Variants in C10orf90 observed in about 807,000 individuals in gnomAD.
C10orf90 encodes the protein (E2-independent) E3 ubiquitin-conjugating enzyme FATS.
A neutral mutation model predicts 62.5 loss-of-function variants in C10orf90; 56 were observed. That is an observed-to-expected ratio of 0.90 (90% CI 0.72 to 1.12). C10orf90 has a LOEUF of 1.12. Ranked by LOEUF, C10orf90 falls within the 50% of genes most tolerant of loss-of-function variation. The pLI is 0.00. For missense variants in C10orf90, 970 were observed against 880.4 expected, an observed-to-expected ratio of 1.10 and a Z score of -1.29; for synonymous variants, 386 against 340.4, an observed-to-expected ratio of 1.13 and a Z score of -1.47.
At chr10:126,526,457 G>C (rs965736106) in intron 2 of C10orf90, among the ~76,000 whole-genome samples, 8 of 152,016 alleles carry the variant, frequency 5.3e-5, no homozygotes, top group African/African-American at 1.9e-4. Context: ...TGTTAGCCAG[G>C]ATGGTCTCGA....
intron 1 of C10orf90, among the ~76,000 whole-genome samples, chr10:126,650,749 G>T (rs997358163): frequency 6.6e-6 from 1 of 152,138 alleles, no homozygotes; most frequent in Non-Finnish European, 1.5e-5. Flanking sequence ...TGGTGACTAG[G>T]ACACATAGAT....
At chr10:126,485,602 G>A (rs1431031451) in intron 4 of C10orf90, among the ~76,000 whole-genome samples, 1 of 152,024 alleles carries the variant, frequency 6.6e-6, no homozygotes, top group Non-Finnish European at 1.5e-5. Flanking sequence ...CTGCCATTTG[G>A]TAGACTAGAT....
chr10:126,491,813 T>A (rs1324838556), intron 4 of C10orf90, among the ~76,000 whole-genome samples: 1 of 152,220 alleles, frequency 6.6e-6, no homozygotes, highest in Non-Finnish European at 1.5e-5. Flanking sequence ...AATTATCTCA[T>A]CCATGGTCTG....
intron 2 of C10orf90, among the ~76,000 whole-genome samples, chr10:126,594,842 G>A (rs1591128980): frequency 6.6e-6 from 1 of 152,046 alleles, no homozygotes; most frequent in South Asian, 2.1e-4. Flanking sequence ...AGTGAACAGA[G>A]AGGAGGTGAA....
intron 2 of C10orf90, among the ~76,000 whole-genome samples, chr10:126,625,986 G>A (rs898153203): frequency 1.3e-5 from 2 of 152,008 alleles, no homozygotes; most frequent in East Asian, 1.9e-4. Context: ...TAAAATAGCC[G>A]GGTATGGTGG....
intron 2 of C10orf90, among the ~76,000 whole-genome samples, chr10:126,639,201 C>T (rs554199555): frequency 6.6e-6 from 1 of 152,160 alleles, no homozygotes. Flanking sequence ...CTGTGGTAGG[C>T]TTGATCGGTG....
intron 2 of C10orf90, among the ~76,000 whole-genome samples, chr10:126,610,908 G>A (rs1246816578): frequency 6.6e-6 from 1 of 152,052 alleles, no homozygotes; most frequent in African/African-American, 2.4e-5. Context: ...ACTGGAGGTG[G>A]GGTGGGAGTC....
intron 2 of C10orf90, among the ~76,000 whole-genome samples, chr10:126,578,369 G>A (rs1260388681): frequency 2.6e-5 from 4 of 152,148 alleles, no homozygotes; most frequent in Admixed American, 2.6e-4. Flanking sequence ...TAGCTTATAA[G>A]CAAAGGGAAA....
At chr10:126,557,093 G>A (rs1171886324) in intron 2 of C10orf90, among the ~76,000 whole-genome samples, 2 of 151,466 alleles carry the variant, frequency 1.3e-5, no homozygotes, top group Non-Finnish European at 2.9e-5. Flanking sequence ...GGTCTCAGGT[G>A]ATGAGTCTCT....
chr10:126,570,765 G>A (rs1295803104), intron 2 of C10orf90, among the ~76,000 whole-genome samples: 1 of 152,082 alleles, frequency 6.6e-6, no homozygotes, highest in Non-Finnish European at 1.5e-5. Context: ...TATTCTTTGG[G>A]GAGGTTCCTA....
intron 2 of C10orf90, among the ~76,000 whole-genome samples, chr10:126,556,930 G>C (rs1564870297): frequency 5.9e-5 from 9 of 151,688 alleles, no homozygotes; most frequent in Admixed American, 5.9e-4. Context: ...CTTCCTGAAG[G>C]CTCTGGATAA....
rs558275308 is a variant in C10orf90, at chr10:126,489,920, T to C, written c.1534+14037A>G. On this transcript the variant is annotated intron_variant, in intron 4 of 9. Coordinates refer to ENST00000488181, the MANE Select transcript of C10orf90 (RefSeq NM_001350921.2). ...CTTTAATACATATACATGCATACAA[T>C]TGGAGGCTAAAGAGGGGAATATATG... Among the ~76,000 whole-genome samples the C allele has an allele frequency of 9.2e-5, 13 of 141,104 alleles. No homozygotes were observed. In the South Asian group the frequency reaches 2.8e-3, roughly 31 times the overall value. The allele number at this position is 141,104 out of a possible 152,430, so 92.6% of individuals were successfully genotyped here. A position where few individuals can be genotyped will look rare whatever the true frequency, so the allele number is the denominator to read the frequency against.
chr10:126,479,117 G>A (rs561962045), intron 4 of C10orf90, among the ~76,000 whole-genome samples: 5 of 152,276 alleles, frequency 3.3e-5, no homozygotes, highest in African/African-American at 1.2e-4. Flanking sequence ...GGTGTGAGGA[G>A]AAAAAGAACA....
rs1222038974 is a variant in C10orf90, at chr10:126,504,782, T to C, written c.709A>G (p.Ile237Val). Residue 237 changes from isoleucine (I) to valine (V), a missense_variant, in exon 4 of 10, where the codon ATC becomes GTC. Ile to Val is a conservative substitution (Grantham distance 29). Coordinates refer to ENST00000488181, the MANE Select transcript of C10orf90 (RefSeq NM_001350921.2). This position sits in a 1 kb window ranked among gnomAD's most constrained non-coding sequence, Gnocchi z 4.1. Reference sequence around the variant, plus strand: ...CCCACGCGTCTGGCCGTGATGGTGATGGATGCAAACCCTCTGCGGGGGCCC... The same window carrying C: ...CCCACGCGTCTGGCCGTGATGGTGACGGATGCAAACCCTCTGCGGGGGCCC... ...CGGPRRGFAS[I>V]TITARRVGPP... The C allele has an allele frequency of 6.3e-7, 1 of 1,585,114 alleles. No individual in the cohort carries two copies.
intron 2 of C10orf90, among the ~76,000 whole-genome samples, chr10:126,640,891 A>C (rs1209288994): frequency 6.6e-6 from 1 of 152,216 alleles, no homozygotes; most frequent in African/African-American, 2.4e-5. Flanking sequence ...TGATTGGAGA[A>C]GTTGCATTGA....
In C10orf90 at chr10:126,518,224, G is replaced by A. The variant is rs79352542; in HGVS notation, c.314-4285C>T. On this transcript the variant is annotated intron_variant, in intron 2 of 9. Coordinates refer to ENST00000488181, the MANE Select transcript of C10orf90 (RefSeq NM_001350921.2). ...CCAGACCAGCAGCATCCACACGATG[G>A]GGGCACTTGTTGGAAATTCACATTC... Among the ~76,000 whole-genome samples the A allele has an allele frequency of 5.5e-3, 842 of 152,238 alleles. 8 individuals are homozygous for A. The highest frequency in any genetic ancestry group is 0.019 in the African/African-American group (773 of 41,540).
At chr10:126,495,664 A>G (rs371653082) in intron 4 of C10orf90, among the ~76,000 whole-genome samples, 1 of 152,210 alleles carries the variant, frequency 6.6e-6, no homozygotes, top group East Asian at 1.9e-4. Flanking sequence ...TTTTACAGAA[A>G]GATATGGACT....
Position 126,425,837 on chromosome 10 carries a change from T to A in C10orf90, c.*27A>T. 6.2e-7 allele frequency: 1 copy of A among 1,610,876 alleles called. No homozygotes were observed. The highest frequency in any genetic ancestry group is 1.3e-5 in the African/African-American group (1 of 74,876). On this transcript the variant is annotated 3_prime_UTR_variant, in exon 10 of 10. Coordinates refer to ENST00000488181, the MANE Select transcript of C10orf90 (RefSeq NM_001350921.2). ...CATTCGAAGTCCTCCCAGGTCCAGG[T>A]AGTGTGGTCAGCAGGGCAGCCTGTG... is the stretch of plus-strand genomic sequence containing the variant.
At chr10:126,547,351 G>A (rs183072218) in intron 2 of C10orf90, among the ~76,000 whole-genome samples, 2,212 of 151,920 alleles carry the variant, frequency 0.015, 51 homozygotes, top group African/African-American at 0.05. Context: ...CCCGGGAGGC[G>A]GAGCTTGCAG....
Sources: gnomAD v4.1 joint callset for allele counts (sites outside exome capture counted in the v4.1 genomes callset) on GRCh38, gnomAD v4.1.1 for gene constraint, Gnocchi (gnomAD v3.1) non-coding constraint, MANE v1.5 for transcripts, NCBI Gene and HGNC (gene_info 2026-07-23, HGNC 2026-07-21) for gene names.